Variants in DNAI1 observed in about 807,000 individuals in gnomAD.
DNAI1 encodes the protein dynein, axonemal, intermediate polypeptide 1.
A neutral mutation model predicts 92.0 loss-of-function variants in DNAI1; 67 were observed. The ratio of observed to expected loss-of-function variants is 0.73; its 90% CI spans 0.60 to 0.89. The LOEUF (loss-of-function observed/expected upper bound fraction) is 0.89. Ranked by LOEUF, DNAI1 falls within the 40% of genes least tolerant of loss-of-function variation. The pLI, the probability that DNAI1 is intolerant of heterozygous loss-of-function variation, is 0.00. For missense variants in DNAI1, 839 were observed against 866.6 expected, an observed-to-expected ratio of 0.97 and a Z score of 0.40; for synonymous variants, 323 against 319.6, an observed-to-expected ratio of 1.01 and a Z score of -0.11.
At chr9:34,497,581 A>C (rs1219973062) in intron 10 of DNAI1, among the ~76,000 whole-genome samples, 2 of 152,202 alleles carry the variant, frequency 1.3e-5, no homozygotes, top group African/African-American at 4.8e-5. Context: ...AGAGGTCTCG[A>C]TCTTCCTCAT....
chr9:34,469,975 T>C (rs1159449796), intron 1 of DNAI1, among the ~76,000 whole-genome samples: 1 of 152,142 alleles, frequency 6.6e-6, no homozygotes, highest in African/African-American at 2.4e-5. Context: ...TATACAGAAA[T>C]AAAATATGTG....
At chr9:34,482,823 C>T (rs1013663863) in intron 1 of DNAI1, among the ~76,000 whole-genome samples, 8 of 152,230 alleles carry the variant, frequency 5.3e-5, no homozygotes, top group African/African-American at 1.7e-4. Context: ...GGATGGTGCT[C>T]GTCGGGGAGG....
chr9:34,481,838 G>A (rs1164589345), intron 1 of DNAI1, among the ~76,000 whole-genome samples: 2 of 152,348 alleles, frequency 1.3e-5, no homozygotes, highest in East Asian at 1.9e-4. Context: ...TGGACCCAAA[G>A]AGTGAGCAGT....
intron 1 of DNAI1, among the ~76,000 whole-genome samples, chr9:34,460,012 C>G (rs1241296217): frequency 6.6e-6 from 1 of 152,236 alleles, no homozygotes; most frequent in Non-Finnish European, 1.5e-5. Flanking sequence ...TCTGCCCCAA[C>G]TATTTCTAGA....
chr9:34,492,956 C>T (rs188873751), intron 8 of DNAI1, among the ~76,000 whole-genome samples: 5 of 152,214 alleles, frequency 3.3e-5, no homozygotes, highest in Admixed American at 2.6e-4. Context: ...GAAGACCCAG[C>T]CTCTGGGTTT....
At chr9:34,512,558 G>A in intron 15 of DNAI1, 134 bp downstream of exon 15, 1 of 851,296 alleles carries the variant, frequency 1.2e-6, no homozygotes, top group Non-Finnish European at 1.9e-6. Flanking sequence ...GAGATTGTAG[G>A]AAGGCCCGGC....
chr9:34,478,189 G>A (rs1426912068), intron 1 of DNAI1, among the ~76,000 whole-genome samples: 2 of 151,994 alleles, frequency 1.3e-5, no homozygotes, highest in Non-Finnish European at 2.9e-5. Flanking sequence ...GCCTGGCCAC[G>A]AGAACTTGTC....
intron 1 of DNAI1, among the ~76,000 whole-genome samples, chr9:34,468,596 C>G (rs146621569): frequency 2.0e-5 from 3 of 151,728 alleles, no homozygotes; most frequent in African/African-American, 4.8e-5. Flanking sequence ...GAGGATGAGA[C>G]GGGAGGATCA....
intron 4 of DNAI1, chr9:34,488,028 C>A: frequency 2.7e-6 from 1 of 368,392 alleles, no homozygotes; most frequent in South Asian, 2.0e-5. Flanking sequence ...GGTGAAATCT[C>A]AAATGAAACT....
intron 19 of DNAI1, among the ~76,000 whole-genome samples, chr9:34,517,707 C>T (rs1191027774): frequency 1.3e-5 from 2 of 152,194 alleles, no homozygotes; most frequent in African/African-American, 2.4e-5. Context: ...TGGAGACATC[C>T]AATGAGCAGG....
intron 19 of DNAI1, 100 bp downstream of exon 19, chr9:34,517,567 G>A (rs1825194053): frequency 7.2e-7 from 1 of 1,386,020 alleles, no homozygotes; most frequent in Non-Finnish European, 1.0e-6. Context: ...AGTTTCTGAT[G>A]TGGGAGACCC....
At chr9:34,491,929 C>G (rs1207377305) in intron 8 of DNAI1, among the ~76,000 whole-genome samples, 1 of 152,194 alleles carries the variant, frequency 6.6e-6, no homozygotes, top group Admixed American at 6.5e-5. Context: ...CTGACCCTGC[C>G]CTCCCAGCAG....
rs1276506214 is a variant in DNAI1, at chr9:34,512,502, C to T, written c.1489+78C>T. 8.0e-6 allele frequency: 11 copies of T among 1,380,314 alleles called. No individual in the cohort carries two copies. The Admixed American group carries it at 1.7e-4, about 21-fold the overall frequency. The allele number at this position is 1,380,314 out of a possible 1,614,324, so 85.5% of individuals were successfully genotyped here. A position where few individuals can be genotyped will look rare whatever the true frequency, so the allele number is the denominator to read the frequency against. On this transcript the variant is annotated intron_variant, in intron 15 of 19. Coordinates refer to ENST00000242317, the MANE Select transcript of DNAI1 (RefSeq NM_012144.4). ...GTGAGGGTCAGTGACAGTGGTCCTTCCCCTGACTGAGTGCTCCCTCCCCAA... is the reference window on the plus strand; with the variant it reads ...GTGAGGGTCAGTGACAGTGGTCCTTTCCCTGACTGAGTGCTCCCTCCCCAA...
intron 1 of DNAI1, among the ~76,000 whole-genome samples, chr9:34,471,437 A>G (rs914311999): frequency 1.4e-5 from 2 of 147,034 alleles, no homozygotes; most frequent in African/African-American, 5.0e-5. Flanking sequence ...CTGGTCCCCA[A>G]CCACCACCAC....
At position 34,520,610 on chromosome 9, in the gene DNAI1, A is replaced by T. The variant is rs533958955; in HGVS notation, c.2002-48A>T. 5.9e-6 allele frequency: 9 copies of T among 1,514,870 alleles called. No individual in the cohort carries two copies. In the East Asian group the frequency reaches 2.2e-4, roughly 37 times the overall value. 93.8% of individuals were successfully genotyped at this position (1,514,870 alleles called of 1,614,324 possible). A position where few individuals can be genotyped will look rare whatever the true frequency, so the allele number is the denominator to read the frequency against. On this transcript the variant is annotated intron_variant, in intron 19 of 19. Coordinates refer to ENST00000242317, the MANE Select transcript of DNAI1 (RefSeq NM_012144.4). ...GAGGAGGTGGTGCTGGGACCCAGAG[A>T]GGGGGGGCCCACCATTCCTCCCTCA... is the stretch of plus-strand genomic sequence containing the variant.
intron 13 of DNAI1, among the ~76,000 whole-genome samples, chr9:34,511,168 C>T (rs1049587273): frequency 6.6e-6 from 1 of 152,198 alleles, no homozygotes; most frequent in African/African-American, 2.4e-5. Context: ...GAATGGAAAA[C>T]TCTGGGCACC....
intron 6 of DNAI1, 72 bp from the exon 7 acceptor site, chr9:34,490,297 G>A (rs2132062051): frequency 6.2e-7 from 1 of 1,613,168 alleles, no homozygotes; most frequent in Non-Finnish European, 8.5e-7. Context: ...CTAGGACAGG[G>A]CTTGCCCCAT....
chr9:34,468,255 C>G (rs1226265817), intron 1 of DNAI1, among the ~76,000 whole-genome samples: 1 of 151,686 alleles, frequency 6.6e-6, no homozygotes, highest in African/African-American at 2.4e-5. Context: ...GATCTCGGCT[C>G]ACTGCAAGCT....
chr9:34,500,526 T>C (rs1824807314), intron 10 of DNAI1, among the ~76,000 whole-genome samples, 196 bp from the exon 11 acceptor site: 1 of 152,188 alleles, frequency 6.6e-6, no homozygotes, highest in Non-Finnish European at 1.5e-5. Context: ...GTGCCAGGCA[T>C]TTTTCTAAGC....
Sources: allele counts gnomAD v4.1 joint callset (sites outside exome capture counted in the v4.1 genomes callset), GRCh38; gene constraint gnomAD v4.1.1; transcripts MANE v1.5; gene names NCBI Gene and HGNC (gene_info 2026-07-23, HGNC 2026-07-21).